The following TBX1 variants were observed in gnomAD, a reference collection of about 807,000 sequenced individuals.
TBX1 encodes the protein T-box transcription factor TBX1.
TBX1 carries 16 observed loss-of-function variants against 40.8 expected under a neutral mutation model. The observed-to-expected ratio is 0.39, with a 90% confidence interval of 0.27 to 0.60. TBX1 has a LOEUF of 0.60. Ranked by LOEUF, TBX1 falls within the 20% of genes least tolerant of loss-of-function variation. TBX1 has a pLI of 0.51. For missense variants in TBX1, 755 were observed against 728.5 expected (o/e 1.04, Z -0.42); for synonymous variants, 403 against 336.8 (o/e 1.20, Z -2.15).
downstream of TBX1, among the ~76,000 whole-genome samples, chr22:19,770,445 G>C (rs374436585): frequency 6.6e-6 from 1 of 152,192 alleles, no homozygotes; most frequent in African/African-American, 2.4e-5. Context: ...CCCCTTTGTC[G>C]AAGGGACAAT....
Position 19,761,032 on chromosome 22 carries a change from C to A in TBX1, c.189C>A (p.Ala63=). ...CGCCGCCGCGCTACGACCCGTGCGCCGCCGCCGCCCCCGGCGCCCCGGGCC... is the reference window on the plus strand; with the variant it reads ...CGCCGCCGCGCTACGACCCGTGCGCAGCCGCCGCCCCCGGCGCCCCGGGCC... ...PPPPPRYDPC[A]AAAPGAPGPP... is the part of the protein sequence containing the mutation. The change falls in exon 1 of 7, where the codon GCC becomes GCA. Residue 63 remains alanine, a synonymous_variant. Coordinates refer to ENST00000649276, the MANE Select transcript of TBX1 (RefSeq NM_001379200.1). 1.1e-6 allele frequency: 1 copy of A among 896,938 alleles called. No individual in the cohort carries two copies. Among genetic ancestry groups the A allele is most frequent in the South Asian group, 4.9e-5 (1 of 20,212 alleles). The allele number at this position is 896,938 out of a possible 1,614,324, so 55.6% of individuals were successfully genotyped here. A position where few individuals can be genotyped will look rare whatever the true frequency, so the allele number is the denominator to read the frequency against.
Position 19,761,021 on chromosome 22 carries a change from G to T in TBX1, c.178G>T (p.Asp60Tyr). ...REPPPPPPRY[D>Y]PCAAAAPGAP... Reference sequence around the variant, plus strand: ...GCCCCCGCCGCCGCCGCCGCGCTACGACCCGTGCGCCGCCGCCGCCCCCGG... The same window carrying T: ...GCCCCCGCCGCCGCCGCCGCGCTACTACCCGTGCGCCGCCGCCGCCCCCGG... Residue 60 changes from aspartate (D) to tyrosine (Y), a missense_variant, in exon 1 of 7, where the codon GAC becomes TAC. Asp to Tyr is a radical substitution (Grantham distance 160). Transcript: ENST00000649276. The T allele has an allele frequency of 1.1e-6, 1 of 902,322 alleles. No individual in the cohort carries two copies. Among genetic ancestry groups the T allele is most frequent in the South Asian group, 4.9e-5 (1 of 20,342 alleles). 55.9% of individuals were successfully genotyped at this position (902,322 alleles called of 1,614,324 possible). A position where few individuals can be genotyped will look rare whatever the true frequency, so the allele number is the denominator to read the frequency against.
At chr22:19,779,877 G>A (rs1937121898), downstream of TBX1, among the ~76,000 whole-genome samples, 1 of 152,234 alleles carries the variant, frequency 6.6e-6, no homozygotes, top group Non-Finnish European at 1.5e-5. Context: ...GAAAAGCCCT[G>A]GCTGGCGGCT....
chr22:19,757,273 C>CCCTG (rs1270177098), upstream of TBX1, among the ~76,000 whole-genome samples: 1 of 152,152 alleles, frequency 6.6e-6, no homozygotes, highest in African/African-American at 2.4e-5. Flanking sequence ...AGCTGGCCGC[C>CCCTG]CCTGCCTGCC....
At chr22:19,781,438 A>C (rs113402638), downstream of TBX1, among the ~76,000 whole-genome samples, 44 of 152,100 alleles carry the variant, frequency 2.9e-4, no homozygotes, top group African/African-American at 1.0e-3. Flanking sequence ...TATATTGTGG[A>C]TATTAATCCC....
chr22:19,764,786 G>A (rs992214123), intron 3 of TBX1, among the ~76,000 whole-genome samples, 172 bp from the exon 4 acceptor site: 1 of 152,190 alleles, frequency 6.6e-6, no homozygotes, highest in African/African-American at 2.4e-5. Flanking sequence ...TTGCCAATGG[G>A]TCACAGCCTC....
At chr22:19,763,365 G>A in intron 2 of TBX1, 23 bp downstream of exon 2, 1 of 1,607,724 alleles carries the variant, frequency 6.2e-7, no homozygotes, top group Admixed American at 1.7e-5. Context: ...TTGTAAGCGT[G>A]AGGGACCGGG....
At chr22:19,771,645 A>G (rs550245798), downstream of TBX1, among the ~76,000 whole-genome samples, 139 of 152,322 alleles carry the variant, frequency 9.1e-4, 2 homozygotes, top group South Asian at 0.028. Context: ...CTCTGTGGCC[A>G]GCCCAGGCCC....
At chr22:19,765,726 C>G (rs1250988850) in intron 4 of TBX1, 32 bp from the exon 5 acceptor site, 3 of 1,609,888 alleles carry the variant, frequency 1.9e-6, no homozygotes, top group African/African-American at 2.7e-5. Flanking sequence ...CTGCAGGGCT[C>G]CAGCGGCTTG....
At chr22:19,775,130 G>C (rs1187501678) in intron 8 of TBX1, among the ~76,000 whole-genome samples, 2 of 151,836 alleles carry the variant, frequency 1.3e-5, no homozygotes, top group East Asian at 1.9e-4. Flanking sequence ...TTTCTCCCTT[G>C]TCACCTAGGC....
chr22:19,759,822 A>G, upstream of TBX1: 1 of 1,037,146 alleles, frequency 9.6e-7, no homozygotes, highest in African/African-American at 1.6e-5. Context: ...GCAGAGAGGA[A>G]GAGCCGGCAT....
chr22:19,765,733 C>A, intron 4 of TBX1, 25 bp from the exon 5 acceptor site: 6 of 1,610,880 alleles, frequency 3.7e-6, no homozygotes, highest in Non-Finnish European at 5.1e-6. Flanking sequence ...GCTCCAGCGG[C>A]TTGCTCACAC....
chr22:19,766,479 G>C lies in TBX1; in HGVS notation c.1127G>C (p.Arg376Pro). The C allele has an allele frequency of 2.3e-6, 3 of 1,327,234 alleles. No homozygotes were observed. Among genetic ancestry groups the C allele is most frequent in the Non-Finnish European group, 2.9e-6 (3 of 1,033,136 alleles). 82.2% of individuals were successfully genotyped at this position (1,327,234 alleles called of 1,614,324 possible). A position where few individuals can be genotyped will look rare whatever the true frequency, so the allele number is the denominator to read the frequency against. ...DPAHPPQLLA[R>P]VLSPSLPGAG... is the part of the protein sequence containing the mutation. The stretch of plus-strand genomic sequence containing the variant: ...GCGCATCCTCCGCAGCTGCTGGCCC[G>C]GGTGCTAAGCCCCTCGCTGCCCGGG... Residue 376 changes from arginine (R) to proline (P), a missense_variant, in exon 7 of 7, where the codon CGG becomes CCG. Arg to Pro is a moderately radical substitution (Grantham distance 103, BLOSUM62 -2). Transcript: ENST00000649276.
At chr22:19,773,117 C>G (rs1453226475) in intron 8 of TBX1, among the ~76,000 whole-genome samples, 1 of 152,220 alleles carries the variant, frequency 6.6e-6, no homozygotes, top group Non-Finnish European at 1.5e-5. Flanking sequence ...TGAGCTGAGG[C>G]AAAATACGGA....
chr22:19,758,770 G>A (rs72646944), upstream of TBX1, among the ~76,000 whole-genome samples: 333 of 152,310 alleles, frequency 2.2e-3, 1 homozygote, highest in Non-Finnish European at 3.8e-3. Flanking sequence ...CGGGCGGTGC[G>A]CGCAAGTGCG....
downstream of TBX1, among the ~76,000 whole-genome samples, chr22:19,768,722 G>A (rs907996503): frequency 4.6e-5 from 7 of 152,138 alleles, no homozygotes; most frequent in Middle Eastern, 3.2e-3. Context: ...GCTGCCATTC[G>A]AGACCTCCGC....
chr22:19,763,138 G>A, intron 1 of TBX1, 103 bp from the exon 2 acceptor site: 1 of 888,908 alleles, frequency 1.1e-6, no homozygotes, highest in Non-Finnish European at 1.9e-6. Context: ...GCAGCCCCCA[G>A]AGGCTGGAGG....
rs569546086 is a variant in TBX1 at position 19,761,344 on chromosome 22, C to T, written c.437+64C>T. ...TGCTGCCGCCAGGGCTGCGGGCCTC[C>T]GCCTGATCCGCGCGAGCGGGGCCGA... On this transcript the variant is annotated intron_variant, in intron 1 of 6. Coordinates refer to ENST00000649276, the MANE Select transcript of TBX1 (RefSeq NM_001379200.1). 2,989 of 1,452,656 alleles carry T rather than the reference C, an allele frequency of 2.1e-3. 3 individuals are homozygous for T. Among genetic ancestry groups the T allele is most frequent in the Non-Finnish European group, 2.5e-3 (2,778 of 1,091,774 alleles). 90.0% of individuals were successfully genotyped at this position (1,452,656 alleles called of 1,614,324 possible). A position where few individuals can be genotyped will look rare whatever the true frequency, so the allele number is the denominator to read the frequency against.
At chr22:19,775,796 G>A (rs899334915) in intron 8 of TBX1, among the ~76,000 whole-genome samples, 29 of 152,238 alleles carry the variant, frequency 1.9e-4, no homozygotes, top group Admixed American at 5.2e-4. Context: ...GGCCCTCTCC[G>A]CACTCCTCCC....
Sources: gnomAD v4.1 joint callset for allele counts (sites outside exome capture counted in the v4.1 genomes callset) on GRCh38, gnomAD v4.1.1 for gene constraint, MANE v1.5 for transcripts, NCBI Gene and HGNC (gene_info 2026-07-23, HGNC 2026-07-21) for gene names.